Variants in EHMT2 observed in about 807,000 individuals in gnomAD.
EHMT2 encodes the protein histone-lysine N-methyltransferase EHMT2.
EHMT2 carries 59 observed loss-of-function variants against 143.3 expected under a neutral mutation model. The ratio of observed to expected loss-of-function variants is 0.41; its 90% CI spans 0.33 to 0.51. EHMT2 has a LOEUF of 0.51. Ranked by LOEUF, EHMT2 falls within the 20% of genes least tolerant of loss-of-function variation. EHMT2 has a pLI of 0.18. For synonymous variants in EHMT2, 604 were observed against 651.5 expected (o/e 0.93, Z 1.11); for missense variants, 1,174 against 1,645.9 (o/e 0.71, Z 4.96).
At position 31,880,145 on chromosome 6, in the gene EHMT2, C is replaced by T. The variant is rs1181533264; in HGVS notation, c.3572G>A (p.Arg1191His). Residue 1191 changes from arginine (R) to histidine (H), a missense_variant, in exon 28 of 28, where the codon CGC becomes CAC. Physicochemically the swap from Arg to His is conservative, Grantham distance 29. Transcript: ENST00000375537. The surrounding 1 kb of genome is among the most constrained non-coding windows in gnomAD (Gnocchi z 6.6). ...CAGCAGCTCAGGGTGTGGGTCCAGG[C>T]GGGCCAGACGGCTCTGCTCCAGGGC... 11 of 1,612,788 alleles carry T rather than the reference C, an allele frequency of 6.8e-6. No homozygotes were observed. Among genetic ancestry groups the T allele is most frequent in the Admixed American group, 3.3e-5 (2 of 59,988 alleles).
exon 16 of EHMT2, chr6:31,887,028 C>T: frequency 6.2e-7 from 1 of 1,613,858 alleles, no homozygotes; most frequent in South Asian, 1.1e-5. Context: ...CCACGGAGCC[C>T]TTCTGGGCGG....
At chr6:31,890,245 T>C (rs1383389625) in intron 7 of EHMT2, among the ~76,000 whole-genome samples, 1 of 150,336 alleles carries the variant, frequency 6.7e-6, no homozygotes, top group Non-Finnish European at 1.5e-5. Context: ...GACAAATAAA[T>C]GGCAAAAAAA....
chr6:31,897,646 G>A (rs981379318), exon 1 of EHMT2: 16 of 1,160,738 alleles, frequency 1.4e-5, no homozygotes, highest in Admixed American at 4.7e-5. Context: ...CTCGGCGGCC[G>A]CCGCCGCTGC....
intron 7 of EHMT2, 146 bp downstream of exon 7, chr6:31,892,261 T>C: frequency 1.1e-6 from 1 of 920,724 alleles, no homozygotes; most frequent in Non-Finnish European, 1.6e-6. Context: ...AAAAAAGGAG[T>C]TATAGACAGC....
At position 31,889,387 on chromosome 6, in the gene EHMT2, G is replaced by A. The variant is rs1316384484; in HGVS notation, c.1000-45C>T. The A allele has an allele frequency of 1.2e-6, 2 of 1,608,908 alleles. No homozygotes were observed. The highest frequency in any genetic ancestry group is 1.7e-6 in the Non-Finnish European group (2 of 1,178,320). On this transcript the variant is annotated intron_variant, in intron 8 of 27. Transcript: ENST00000375537. This position sits in a 1 kb window ranked among gnomAD's most constrained non-coding sequence, Gnocchi z 5.1. ...GGAGTTAGGAACCCTCACCCCCAGGGGCCCCCCCAACACCTTCAGGACCAG... is the reference window on the plus strand; with the variant it reads ...GGAGTTAGGAACCCTCACCCCCAGGAGCCCCCCCAACACCTTCAGGACCAG...
chr6:31,889,689 C>T lies in EHMT2; in HGVS notation c.865-87G>A. ...GAAAACCACCACCACCATTGCCCCCCGCCACTACCCACGGATGGCTGCTGG... is the reference window on the plus strand; with the variant it reads ...GAAAACCACCACCACCATTGCCCCCTGCCACTACCCACGGATGGCTGCTGG... On this transcript the variant is annotated intron_variant, in intron 7 of 27. Coordinates refer to ENST00000375537, the Ensembl canonical transcript of EHMT2. The surrounding 1 kb of genome is among the most constrained non-coding windows in gnomAD (Gnocchi z 5.1). 6 of 1,540,606 alleles carry T rather than the reference C, an allele frequency of 3.9e-6. No homozygotes were observed. Among genetic ancestry groups the T allele is most frequent in the South Asian group, 2.2e-5 (2 of 89,004 alleles).
intron 15 of EHMT2, 47 bp from the exon 16 acceptor site, chr6:31,887,148 A>G (rs909474271): frequency 6.6e-6 from 10 of 1,515,964 alleles, no homozygotes; most frequent in Non-Finnish European, 9.0e-6. Context: ...ACAAGTGGTA[A>G]GCAAGCTAGG....
In EHMT2 at chr6:31,889,198, G is replaced by A; in HGVS notation, c.1114+30C>T. On this transcript the variant is annotated intron_variant, in intron 9 of 27. Transcript: ENST00000375537. This position sits in a 1 kb window ranked among gnomAD's most constrained non-coding sequence, Gnocchi z 5.1. Reference sequence around the variant, plus strand: ...TCTGGGGGGCCGGGCGGGGGCTGGAGGGCACCCAAAAGCAGCAGAGCCTCC... The same window carrying A: ...TCTGGGGGGCCGGGCGGGGGCTGGAAGGCACCCAAAAGCAGCAGAGCCTCC... 1.3e-6 allele frequency: 2 copies of A among 1,581,628 alleles called. No homozygotes were observed. The highest frequency in any genetic ancestry group is 1.7e-6 in the Non-Finnish European group (2 of 1,164,128).
intron 14 of EHMT2, 31 bp from the exon 15 acceptor site, chr6:31,887,690 A>C (rs1765059205): frequency 1.2e-6 from 2 of 1,611,200 alleles, no homozygotes; most frequent in Non-Finnish European, 1.7e-6. Context: ...CGGGGAGAGA[A>C]GGGGAGCTCC....
In EHMT2 at chr6:31,892,564, T is replaced by C. The variant is rs761980084; in HGVS notation, c.709-2A>G. The C allele has an allele frequency of 6.2e-7, 1 of 1,612,700 alleles. No individual in the cohort carries two copies. Among genetic ancestry groups the C allele is most frequent in the South Asian group, 1.1e-5 (1 of 91,046 alleles). On this transcript the variant is annotated splice_acceptor_variant, in intron 6 of 27. Transcript: ENST00000375537. LOFTEE classifies it high-confidence loss of function. ...CCGGGCAGAACCTAACTCCTCTGAC[T>C]AGAAAAAGATCAGAAAAATTGAGGC...
At chr6:31,897,502 C>G (rs1204973291) in intron 1 of EHMT2, 134 bp downstream of exon 1, 3 of 563,232 alleles carry the variant, frequency 5.3e-6, no homozygotes, top group Non-Finnish European at 4.8e-6. Flanking sequence ...GCCCCCGGTG[C>G]TGGCCCCCTG....
rs1765108765 is a variant in EHMT2, at chr6:31,887,963, T to G, written c.1746-2A>C. The stretch of plus-strand genomic sequence containing the variant: ...TCCCCATGCCCTCGCATCCGGGCAC[T>G]GTGGAAGAAGGAGCTCATGTCCAGG... On this transcript the variant is annotated splice_acceptor_variant, in intron 13 of 27. Coordinates refer to ENST00000375537, the Ensembl canonical transcript of EHMT2. LOFTEE classifies it high-confidence loss of function. 6.3e-7 allele frequency: 1 copy of G among 1,586,972 alleles called. No individual in the cohort carries two copies. The highest frequency in any genetic ancestry group is 8.6e-7 in the Non-Finnish European group (1 of 1,165,130).
Position 31,882,686 on chromosome 6 carries a change from C to T in EHMT2, c.3197+13G>A, listed in dbSNP as rs1299532453. The T allele has an allele frequency of 1.2e-6, 2 of 1,610,790 alleles. No individual in the cohort carries two copies. Among genetic ancestry groups the T allele is most frequent in the African/African-American group, 1.3e-5 (1 of 75,008 alleles). On this transcript the variant is annotated intron_variant, in intron 25 of 27. Transcript: ENST00000375537. ...CCTTCCCACCAGGTGTTAAGGTGCT[C>T]CCGGTGACTTACTCGCAGATGAAGG... is the stretch of plus-strand genomic sequence containing the variant.
In EHMT2 at chr6:31,889,511, T is replaced by G; in HGVS notation, c.956A>C (p.Glu319Ala). ...TGACTCCTCATCTTCCTCTTCTTCTTCCTCTTCCTCCTCCTCTTCCTCTTC... is the reference window on the plus strand; with the variant it reads ...TGACTCCTCATCTTCCTCTTCTTCTGCCTCTTCCTCCTCCTCTTCCTCTTC... Residue 319 changes from glutamate to alanine, a missense_variant, in exon 8 of 28, where the codon GAA becomes GCA. This residue lies in a region of EHMT2 where 399 missense variants were observed against 404.4 expected (regional missense o/e 0.99). Coordinates refer to ENST00000375537, the Ensembl canonical transcript of EHMT2. This position sits in a 1 kb window ranked among gnomAD's most constrained non-coding sequence, Gnocchi z 5.1. The G allele has an allele frequency of 6.2e-7, 1 of 1,612,538 alleles. No individual in the cohort carries two copies. Among genetic ancestry groups the G allele is most frequent in the Non-Finnish European group, 8.5e-7 (1 of 1,179,908 alleles).
intron 15 of EHMT2, among the ~76,000 whole-genome samples, chr6:31,887,311 T>C (rs1764998904): frequency 6.6e-6 from 1 of 152,218 alleles, no homozygotes; most frequent in African/African-American, 2.4e-5. Flanking sequence ...CCTGCCTTGC[T>C]TCTCAGTACC....
chr6:31,896,654 C>T, exon 3 of EHMT2: 1 of 1,595,468 alleles, frequency 6.3e-7, no homozygotes, highest in Non-Finnish European at 8.5e-7. Context: ...TCAAGATTCT[C>T]AGATTCATCC....
intron 1 of EHMT2, chr6:31,897,368 C>G: frequency 2.2e-6 from 1 of 452,702 alleles, no homozygotes; most frequent in Non-Finnish European, 3.6e-6. Context: ...GTGGACGGCC[C>G]CTCGTGCCCC....
intron 24 of EHMT2, 28 bp downstream of exon 24, chr6:31,882,866 G>A (rs2151595845): frequency 1.9e-6 from 3 of 1,611,778 alleles, no homozygotes; most frequent in Admixed American, 1.7e-5. Flanking sequence ...GAGGTGGGGA[G>A]AGGGTGGGCT....
chr6:31,885,769 T>G (rs1764754927), intron 18 of EHMT2: 1 of 152,156 alleles, frequency 6.6e-6, no homozygotes, highest in South Asian at 2.1e-4. Flanking sequence ...GTCTGCCCAC[T>G]CAAAAGTCCT....
Sources: allele counts gnomAD v4.1 joint callset (sites outside exome capture counted in the v4.1 genomes callset), GRCh38; gene constraint gnomAD v4.1.1; regional missense constraint gnomAD v4.1.1; non-coding constraint Gnocchi (gnomAD v3.1); transcripts MANE v1.5; gene names NCBI Gene and HGNC (gene_info 2026-07-23, HGNC 2026-07-21).